ANKFN1: variants seen among roughly 807,000 people sequenced by gnomAD.
ANKFN1 encodes the protein ankyrin repeat and fibronectin type-III domain-containing protein 1.
Under a neutral mutation model 108.7 loss-of-function variants are expected in ANKFN1, and 74 were observed. That is an observed-to-expected ratio of 0.68 (90% CI 0.56 to 0.83). The LOEUF (loss-of-function observed/expected upper bound fraction) is 0.83. Among genes scored for constraint, ANKFN1 ranks in the 40% least tolerant of loss-of-function variants. ANKFN1 has a pLI of 0.00. For missense variants in ANKFN1, 1,505 were observed against 1,382.3 expected, an observed-to-expected ratio of 1.09 and a Z score of -1.41; for synonymous variants, 547 against 516.2, an observed-to-expected ratio of 1.06 and a Z score of -0.81.
At chr17:56,506,321 A>G (rs1487113449) in intron 20 of ANKFN1, among the ~76,000 whole-genome samples, 4 of 151,664 alleles carry the variant, frequency 2.6e-5, no homozygotes, top group Non-Finnish European at 4.4e-5. Context: ...TTGTGATGAG[A>G]TCATCCTGGA....
At chr17:56,110,058 G>T (rs1450115856) in intron 4 of ANKFN1, among the ~76,000 whole-genome samples, 1 of 152,158 alleles carries the variant, frequency 6.6e-6, no homozygotes, top group Non-Finnish European at 1.5e-5. Context: ...TGCAAAGAGT[G>T]CTCTTATTAA....
chr17:56,234,363 T>A (rs1292353720), intron 3 of ANKFN1, among the ~76,000 whole-genome samples: 1 of 152,022 alleles, frequency 6.6e-6, no homozygotes, highest in Non-Finnish European at 1.5e-5. Context: ...TTAGCTTTTA[T>A]TTTAGGTTAA....
intron 18 of ANKFN1, among the ~76,000 whole-genome samples, chr17:56,491,554 A>G (rs2051040342): frequency 6.6e-6 from 1 of 152,168 alleles, no homozygotes. Flanking sequence ...CTGTTGAGAG[A>G]AGAAAACCAA....
At chr17:56,344,871 T>C (rs9900577) in intron 4 of ANKFN1, among the ~76,000 whole-genome samples, 2,863 of 151,990 alleles carry the variant, frequency 0.019, 89 homozygotes, top group African/African-American at 0.063. Flanking sequence ...TTTTTGTTTG[T>C]TTGTTTGCGT....
At chr17:56,428,462 C>CTTT (rs1183827202) in intron 8 of ANKFN1, among the ~76,000 whole-genome samples, 11 of 133,274 alleles carry the variant, frequency 8.3e-5, no homozygotes, top group African/African-American at 2.2e-4. Context: ...AGCTTTTTTT[C>CTTT]TTTTTTTTTT....
chr17:56,500,290 G>A (rs572760762), intron 20 of ANKFN1, among the ~76,000 whole-genome samples: 103 of 152,226 alleles, frequency 6.8e-4, no homozygotes, highest in Non-Finnish European at 1.3e-3. Flanking sequence ...GTTTGTGTCT[G>A]CACCTATATT....
intron 1 of ANKFN1, among the ~76,000 whole-genome samples, chr17:56,208,941 G>A (rs751330908): frequency 6.6e-6 from 1 of 151,698 alleles, no homozygotes; most frequent in Non-Finnish European, 1.5e-5. Flanking sequence ...AGAGTAGCAC[G>A]ATCTCAGCTA....
intron 1 of ANKFN1, among the ~76,000 whole-genome samples, chr17:56,210,518 G>C (rs1008744641): frequency 1.3e-5 from 2 of 152,088 alleles, no homozygotes. Flanking sequence ...TCATATGTTT[G>C]TTGGCCATTT....
intron 3 of ANKFN1, among the ~76,000 whole-genome samples, chr17:56,271,822 G>GA (rs1464631235): frequency 6.6e-6 from 1 of 152,186 alleles, no homozygotes; most frequent in African/African-American, 2.4e-5. Flanking sequence ...TCCTGCCCCT[G>GA]AAAGTCACTG....
At chr17:56,422,946 G>A (rs1336209023) in intron 8 of ANKFN1, among the ~76,000 whole-genome samples, 1 of 152,158 alleles carries the variant, frequency 6.6e-6, no homozygotes, top group African/African-American at 2.4e-5. Flanking sequence ...CCCTAGGAGG[G>A]TGAAAGCAAC....
chr17:56,125,213 C>T (rs1380374504), intron 4 of ANKFN1, among the ~76,000 whole-genome samples: 1 of 152,210 alleles, frequency 6.6e-6, no homozygotes, highest in East Asian at 1.9e-4. Context: ...TGAGCTGTGA[C>T]TTCCCTTGTA....
chr17:56,482,296 G>T, intron 17 of ANKFN1, 60 bp from the exon 18 acceptor site: 4 of 1,434,646 alleles, frequency 2.8e-6, no homozygotes, highest in Non-Finnish European at 2.8e-6. Flanking sequence ...GTTTGGTGTT[G>T]TTTATGTAAG....
chr17:56,298,610 C>G (rs2044584728), intron 3 of ANKFN1, among the ~76,000 whole-genome samples: 1 of 151,970 alleles, frequency 6.6e-6, no homozygotes, highest in African/African-American at 2.4e-5. Context: ...ACATTTTCAT[C>G]AAAGATCTCT....
intron 7 of ANKFN1, among the ~76,000 whole-genome samples, chr17:56,374,163 C>T (rs186560505): frequency 3.9e-5 from 6 of 152,296 alleles, no homozygotes; most frequent in African/African-American, 9.6e-5. Flanking sequence ...CTTGGGGCTG[C>T]GGTTTCCTCA....
chr17:56,142,393 T>C (rs963514087), intron 4 of ANKFN1, among the ~76,000 whole-genome samples: 3 of 152,230 alleles, frequency 2.0e-5, no homozygotes, highest in Non-Finnish European at 4.4e-5. Context: ...TTGGCCAAGT[T>C]CACTCCATGA....
intron 8 of ANKFN1, among the ~76,000 whole-genome samples, chr17:56,403,467 A>C (rs2144947142): frequency 6.6e-6 from 1 of 151,972 alleles, no homozygotes. Flanking sequence ...CTTTGAGATA[A>C]GAATAGCTAC....
At chr17:56,201,367 CT>C (rs1914044591) in intron 1 of ANKFN1, among the ~76,000 whole-genome samples, 1 of 152,216 alleles carries the variant, frequency 6.6e-6, no homozygotes, top group Non-Finnish European at 1.5e-5. Flanking sequence ...CCTTTCTCAG[CT>C]GTAAGTAGAC....
At chr17:56,397,818 G>C (rs922256487) in intron 8 of ANKFN1, among the ~76,000 whole-genome samples, 6 of 152,186 alleles carry the variant, frequency 3.9e-5, no homozygotes, top group African/African-American at 1.4e-4. Context: ...TGGTCCTGCC[G>C]TAACTACCTG....
intron 1 of ANKFN1, among the ~76,000 whole-genome samples, chr17:56,176,446 G>T (rs148874288): frequency 6.6e-6 from 1 of 152,178 alleles, no homozygotes. Flanking sequence ...ATATGCACTT[G>T]GGAATGCACG....
Sources: allele counts gnomAD v4.1 joint callset (sites outside exome capture counted in the v4.1 genomes callset), GRCh38; gene constraint gnomAD v4.1.1; transcripts MANE v1.5; gene names NCBI Gene and HGNC (gene_info 2026-07-23, HGNC 2026-07-21).